HUWE1: variants seen among roughly 807,000 people sequenced by gnomAD.
The protein encoded by HUWE1 is HECT, UBA and WWE domain containing E3 ubiquitin protein ligase 1.
A neutral mutation model predicts 299.4 loss-of-function variants in HUWE1; 18 were observed. The observed-to-expected ratio is 0.06, with a 90% CI of 0.04 to 0.09. HUWE1 has a LOEUF of 0.09. Ranked by LOEUF, HUWE1 falls within the 10% of genes least tolerant of loss-of-function variation. The pLI, the probability that HUWE1 is intolerant of heterozygous loss-of-function variation, is 1.00. For missense variants in HUWE1, 1,832 were observed against 3,462.3 expected, an observed-to-expected ratio of 0.53 and a Z score of 11.82; for synonymous variants, 1,317 against 1,286.1, an observed-to-expected ratio of 1.02 and a Z score of -0.51.
intron 2 of HUWE1, among the ~76,000 whole-genome samples, chrX:53,684,533 GT>G (rs1461925519): frequency 8.9e-6 from 1 of 112,043 alleles, no homozygotes; most frequent in Admixed American, 9.4e-5. Flanking sequence ...CTAGAGCCTA[GT>G]GCTTGAGGAA....
At chrX:53,643,035 G>GT (rs2067712320) in intron 7 of HUWE1, among the ~76,000 whole-genome samples, 1 of 112,304 alleles carries the variant, frequency 8.9e-6, no homozygotes, top group African/African-American at 3.2e-5. Context: ...AACTACATTG[G>GT]TAACTATACT....
chrX:53,604,808 A>C lies in HUWE1; in HGVS notation c.2523T>G (p.Leu841=). The C allele has an allele frequency of 8.3e-7, 1 of 1,209,449 alleles. No individual in the cohort carries two copies. The change falls in exon 26 of 84, where the codon CTT becomes CTG. Residue 841 remains leucine, a synonymous_variant. Coordinates refer to ENST00000262854, the MANE Select transcript of HUWE1 (RefSeq NM_031407.7). ...AGTCCAACTGAAGGAGACCCTCTTG[A>C]AGGACTTTGGGTTCATGTGACAGTG... ...ILTLSHEPKV[L]QEGLLQLDSI... is the part of the protein sequence containing the mutation.
intron 7 of HUWE1, among the ~76,000 whole-genome samples, chrX:53,640,872 C>T (rs1447145807): frequency 8.9e-6 from 1 of 112,191 alleles, no homozygotes; most frequent in Admixed American, 9.4e-5. Flanking sequence ...ATTTTAACTT[C>T]TACTTAAATT....
At chrX:53,630,813 T>A in intron 12 of HUWE1, 122 bp downstream of exon 12, 1 of 502,578 alleles carries the variant, frequency 2.0e-6, no homozygotes, top group African/African-American at 2.3e-5. Context: ...GGGGTGGAAG[T>A]ATTTAAGTTG....
chrX:53,654,468 C>T (rs2068653846), intron 3 of HUWE1, among the ~76,000 whole-genome samples: 1 of 111,242 alleles, frequency 9.0e-6, no homozygotes, highest in Non-Finnish European at 1.9e-5. Context: ...GAAAAATTCA[C>T]CATAGCCCTG....
At chrX:53,671,001 AG>A (rs2069501311) in intron 3 of HUWE1, among the ~76,000 whole-genome samples, 1 of 112,257 alleles carries the variant, frequency 8.9e-6, no homozygotes. Flanking sequence ...GAAAAATGCA[AG>A]GTTAGCCTTT....
chrX:53,657,181 GAAT>G (rs2068786824), intron 3 of HUWE1, among the ~76,000 whole-genome samples: 1 of 112,024 alleles, frequency 8.9e-6, no homozygotes, highest in Non-Finnish European at 1.9e-5. Context: ...AGTAAACTAG[GAAT>G]AGAGAACTTC....
intron 80 of HUWE1, 69 bp downstream of exon 80, chrX:53,536,078 C>A: frequency 1.4e-6 from 1 of 692,536 alleles, no homozygotes; most frequent in South Asian, 2.2e-5. Flanking sequence ...AGTGCTAGTT[C>A]TAAGGTGAAC....
intron 3 of HUWE1, among the ~76,000 whole-genome samples, chrX:53,667,132 CAA>C (rs1431569367): frequency 1.8e-5 from 2 of 111,647 alleles, no homozygotes; most frequent in Admixed American, 9.5e-5. Flanking sequence ...AGTCAATACA[CAA>C]AAAAAGAGAA....
chrX:53,557,345 T>C (rs781993776), intron 60 of HUWE1, 37 bp downstream of exon 60: 13 of 1,159,693 alleles, frequency 1.1e-5, no homozygotes, highest in South Asian at 9.0e-5. Context: ...AAGCAACCAA[T>C]TGATTAGTAA....
chrX:53,631,684 C>A, intron 9 of HUWE1, 70 bp from the exon 10 acceptor site: 1 of 789,229 alleles, frequency 1.3e-6, no homozygotes, highest in South Asian at 2.2e-5. Flanking sequence ...CCATAGAGCT[C>A]CAAAGGGCTG....
At chrX:53,640,324 C>T (rs184344362) in intron 7 of HUWE1, among the ~76,000 whole-genome samples, 110 of 111,838 alleles carry the variant, frequency 9.8e-4, no homozygotes, top group African/African-American at 3.5e-3. Context: ...CGTGCAACTG[C>T]ACTCCAGCCT....
intron 3 of HUWE1, among the ~76,000 whole-genome samples, chrX:53,661,547 A>T (rs1306968085): frequency 9.0e-6 from 1 of 111,670 alleles, no homozygotes; most frequent in Non-Finnish European, 1.9e-5. Context: ...TTAGAAGTTA[A>T]TCAGGTGAAA....
At chrX:53,648,777 T>C (rs956386276) in intron 4 of HUWE1, among the ~76,000 whole-genome samples, 6 of 111,872 alleles carry the variant, frequency 5.4e-5, no homozygotes, top group Admixed American at 4.7e-4. Context: ...AGGTGAAGAT[T>C]AGCACTAGCT....
At chrX:53,576,431 C>T (rs2063109463) in intron 44 of HUWE1, among the ~76,000 whole-genome samples, 1 of 111,958 alleles carries the variant, frequency 8.9e-6, no homozygotes, top group African/African-American at 3.2e-5. Context: ...CTCAGACACA[C>T]CTCCTAATAT....
Position 53,647,581 on chromosome X carries a change from A to AG in HUWE1, c.145-8dup. 8.6e-7 allele frequency: 1 copy of AG among 1,168,904 alleles called. No homozygotes were observed. On this transcript the variant is annotated splice_region_variant and splice_polypyrimidine_tract_variant and intron_variant, in intron 5 of 83. Transcript: ENST00000262854. ...CCCAGTGATATAACTCGCACTGGAG[A>AG]GGGGAGGAAAAAGAGGATGTAAGAA...
intron 32 of HUWE1, among the ~76,000 whole-genome samples, chrX:53,592,858 T>A (rs973318336): frequency 4.5e-5 from 5 of 111,804 alleles, no homozygotes; most frequent in Non-Finnish European, 7.5e-5. Context: ...TGAATTGTAA[T>A]CCCCAATGCT....
intron 80 of HUWE1, 70 bp downstream of exon 80, chrX:53,536,077 T>A: frequency 1.5e-6 from 1 of 685,689 alleles, no homozygotes; most frequent in Non-Finnish European, 2.4e-6. Flanking sequence ...CAGTGCTAGT[T>A]CTAAGGTGAA....
Position 53,604,715 on chromosome X carries a change from T to C in HUWE1, c.2616A>G (p.Arg872=), listed in dbSNP as rs921274514. ...IESPGGSVLL[R]ELACAGNVAD... is the part of the protein sequence containing the mutation. ...CAACATTGCCTGCGCAAGCCAGTTC[T>C]CGCAACAACACTGAGCCCCCAGGGG... The change falls in exon 26 of 84, where the codon CGA becomes CGG. Residue 872 remains arginine (R), a synonymous_variant. Coordinates refer to ENST00000262854, the MANE Select transcript of HUWE1 (RefSeq NM_031407.7). The C allele has an allele frequency of 8.3e-7, 1 of 1,211,918 alleles. No homozygotes were observed. Among genetic ancestry groups the C allele is most frequent in the Non-Finnish European group, 1.1e-6 (1 of 895,527 alleles).
Sources: allele counts gnomAD v4.1 joint callset (sites outside exome capture counted in the v4.1 genomes callset), GRCh38; gene constraint gnomAD v4.1.1; transcripts MANE v1.5; gene names NCBI Gene and HGNC (gene_info 2026-07-23, HGNC 2026-07-21).